Variants in LSAMP observed in about 807,000 individuals in gnomAD.
LSAMP encodes the protein limbic system associated membrane protein.
LSAMP carries 7 observed loss-of-function variants against 38.6 expected under a neutral mutation model. The observed-to-expected ratio is 0.18, with a 90% CI of 0.10 to 0.34. The LOEUF (loss-of-function observed/expected upper bound fraction) is 0.34. LSAMP is among the 10% of genes least tolerant of loss of function. The pLI is 1.00. For synonymous variants in LSAMP, 154 were observed against 166.8 expected (o/e 0.92, Z 0.59); for missense variants, 313 against 420.0 (o/e 0.75, Z 2.23).
intron 1 of LSAMP, among the ~76,000 whole-genome samples, chr3:116,099,454 T>C (rs1420721143): frequency 6.6e-6 from 1 of 152,198 alleles, no homozygotes. Context: ...TTATCGCCAT[T>C]TAGTCACGAC....
intron 1 of LSAMP, among the ~76,000 whole-genome samples, chr3:116,264,063 CACA>C (rs887620368): frequency 2.0e-5 from 3 of 152,130 alleles, no homozygotes; most frequent in African/African-American, 7.2e-5. Flanking sequence ...TGGTTGTTAC[CACA>C]GGCCTGGCAT....
chr3:116,370,186 T>G (rs948308978), intron 1 of LSAMP: 3 of 152,174 alleles, frequency 2.0e-5, no homozygotes, highest in African/African-American at 7.2e-5. Context: ...GTAGTTATAG[T>G]GTTTTGGGGA....
intron 1 of LSAMP, among the ~76,000 whole-genome samples, chr3:116,208,929 C>T (rs1056031583): frequency 1.3e-5 from 2 of 152,226 alleles, no homozygotes; most frequent in East Asian, 1.9e-4. Context: ...GGGCTCCACC[C>T]AGTTGGAGCT....
chr3:116,276,288 T>C (rs981586168), intron 1 of LSAMP, among the ~76,000 whole-genome samples: 3 of 152,136 alleles, frequency 2.0e-5, no homozygotes, highest in Non-Finnish European at 4.4e-5. Flanking sequence ...AAAACTACAT[T>C]TGGAATTCAA....
intron 2 of LSAMP, among the ~76,000 whole-genome samples, chr3:116,053,319 A>G (rs1356459692): frequency 6.6e-6 from 1 of 152,238 alleles, no homozygotes; most frequent in Non-Finnish European, 1.5e-5. Flanking sequence ...ACTTCAGGGA[A>G]AAACAGGCAA....
At chr3:115,839,174 A>T (rs2107498742) in intron 6 of LSAMP, among the ~76,000 whole-genome samples, 1 of 152,242 alleles carries the variant, frequency 6.6e-6, no homozygotes, top group Admixed American at 6.5e-5. Flanking sequence ...TGTAAGTAAT[A>T]GACAATTGAC....
At chr3:115,916,817 C>T (rs1937261740) in intron 3 of LSAMP, among the ~76,000 whole-genome samples, 1 of 152,176 alleles carries the variant, frequency 6.6e-6, no homozygotes, top group African/African-American at 2.4e-5. Context: ...TCAAGTCTAT[C>T]TCTCTATCTC....
intron 3 of LSAMP, among the ~76,000 whole-genome samples, chr3:115,932,553 C>T (rs966778133): frequency 3.9e-5 from 6 of 152,170 alleles, no homozygotes; most frequent in African/African-American, 1.4e-4. Context: ...AGAAGAGAAA[C>T]AGTCCATTGC....
intron 1 of LSAMP, among the ~76,000 whole-genome samples, chr3:116,319,739 C>T (rs980018732): frequency 6.6e-6 from 1 of 151,702 alleles, no homozygotes; most frequent in Non-Finnish European, 1.5e-5. Flanking sequence ...GGTAAATGCT[C>T]GCTTTTTATT....
At chr3:115,969,029 G>A (rs911124440) in intron 3 of LSAMP, among the ~76,000 whole-genome samples, 1 of 152,154 alleles carries the variant, frequency 6.6e-6, no homozygotes, top group African/African-American at 2.4e-5. Context: ...CTTCCCCTAA[G>A]CACACAGATT....
chr3:116,284,175 T>C (rs758507769), intron 1 of LSAMP, among the ~76,000 whole-genome samples: 1 of 152,170 alleles, frequency 6.6e-6, no homozygotes, highest in Non-Finnish European at 1.5e-5. Context: ...ATTAGGAGGC[T>C]GATGATTTTA....
At chr3:116,091,258 C>G (rs552311971) in intron 1 of LSAMP, among the ~76,000 whole-genome samples, 60 of 152,366 alleles carry the variant, frequency 3.9e-4, no homozygotes, top group Non-Finnish European at 8.1e-4. Flanking sequence ...TTAAGGTTAT[C>G]TCTCATATTC....
intron 2 of LSAMP, among the ~76,000 whole-genome samples, chr3:116,066,228 A>T (rs977920649): frequency 6.6e-6 from 1 of 152,234 alleles, no homozygotes; most frequent in Non-Finnish European, 1.5e-5. Context: ...TTACAGAGGC[A>T]CTAATCCCAT....
intron 3 of LSAMP, among the ~76,000 whole-genome samples, chr3:115,935,105 A>G (rs375697551): frequency 3.3e-5 from 5 of 152,316 alleles, no homozygotes; most frequent in African/African-American, 1.2e-4. Flanking sequence ...AAGGTGAGAT[A>G]ATGATGGCTT....
intron 3 of LSAMP, among the ~76,000 whole-genome samples, chr3:116,007,764 C>G (rs1940203843): frequency 6.6e-6 from 1 of 152,074 alleles, no homozygotes; most frequent in Admixed American, 6.6e-5. Context: ...TTGGTAGAAA[C>G]AGTATACAAC....
At chr3:115,869,267 GGGGAGA>G (rs1305294349) in intron 3 of LSAMP, among the ~76,000 whole-genome samples, 4 of 108,700 alleles carry the variant, frequency 3.7e-5, no homozygotes, top group Admixed American at 3.5e-4. Context: ...TATCTTGGAG[GGGGAGA>G]GAGAGAGAGA....
intron 1 of LSAMP, among the ~76,000 whole-genome samples, chr3:116,182,889 G>A (rs1232393280): frequency 3.3e-5 from 5 of 151,688 alleles, no homozygotes; most frequent in Admixed American, 2.0e-4. Flanking sequence ...TCCAAATTTT[G>A]CCATCACAAT....
intron 5 of LSAMP, 29 bp downstream of exon 5, chr3:115,842,429 T>C (rs766260327): frequency 6.2e-7 from 1 of 1,610,194 alleles, no homozygotes; most frequent in South Asian, 1.1e-5. Context: ...TGCAGTGGAG[T>C]CATGGGGGAT....
chr3:116,032,615 G>A (rs1417061110), intron 2 of LSAMP, among the ~76,000 whole-genome samples: 1 of 151,992 alleles, frequency 6.6e-6, no homozygotes, highest in Non-Finnish European at 1.5e-5. Flanking sequence ...GGGCAACATG[G>A]CAAGATCTCA....
Sources: allele counts gnomAD v4.1 joint callset (sites outside exome capture counted in the v4.1 genomes callset), GRCh38; gene constraint gnomAD v4.1.1; transcripts MANE v1.5; gene names NCBI Gene and HGNC (gene_info 2026-07-23, HGNC 2026-07-21).